Variants in WNT9B observed in about 807,000 individuals in gnomAD.
The protein encoded by WNT9B is Wnt family member 9B, also known as protein Wnt-9b.
In WNT9B, 12 loss-of-function variants were observed where a neutral mutation model predicts 30.2. That is an observed-to-expected ratio of 0.40 (90% CI 0.26 to 0.64). The LOEUF (loss-of-function observed/expected upper bound fraction) is 0.64, where lower values mean the gene tolerates loss of function less well. Ranked by LOEUF, WNT9B falls within the 30% of genes least tolerant of loss-of-function variation. WNT9B has a pLI of 0.42. For synonymous variants in WNT9B, 218 were observed against 216.9 expected (o/e 1.01, Z -0.05); for missense variants, 442 against 485.2 (o/e 0.91, Z 0.84).
rs145828526 is a variant in WNT9B, at chr17:46,864,325, A to C, written c.78-8192A>C. On this transcript the variant is annotated intron_variant, in intron 1 of 3. Transcript: ENST00000290015. Reference sequence around the variant, plus strand: ...TGAACTTCCCACCCACTGCCTCCACATCCCCACACCAAGCTCCCCCAACTC... The same window carrying C: ...TGAACTTCCCACCCACTGCCTCCACCTCCCCACACCAAGCTCCCCCAACTC... Among the ~76,000 whole-genome samples the C allele has an allele frequency of 4.6e-3, 698 of 152,208 alleles. 10 individuals are homozygous for C. The highest frequency in any genetic ancestry group is 0.016 in the African/African-American group (669 of 41,526).
upstream of WNT9B, among the ~76,000 whole-genome samples, chr17:46,848,640 C>T (rs1049850056): frequency 2.6e-5 from 4 of 152,238 alleles, no homozygotes; most frequent in South Asian, 4.1e-4. Context: ...AGGAGGTACA[C>T]GATGCTCTGT....
At chr17:46,838,849 T>C (rs1178264554) in intron 1 of WNT9B, among the ~76,000 whole-genome samples, 1 of 152,076 alleles carries the variant, frequency 6.6e-6, no homozygotes, top group Non-Finnish European at 1.5e-5. Flanking sequence ...TATAAAATGG[T>C]TTCCAGGGGC....
At chr17:46,865,836 T>A (rs1307668664) in intron 1 of WNT9B, among the ~76,000 whole-genome samples, 1 of 152,178 alleles carries the variant, frequency 6.6e-6, no homozygotes. Context: ...GGTTTTGAAC[T>A]CCTAGGCTCA....
chr17:46,852,057 T>C (rs1464611452), intron 1 of WNT9B, among the ~76,000 whole-genome samples: 1 of 152,186 alleles, frequency 6.6e-6, no homozygotes, highest in Admixed American at 6.5e-5. Flanking sequence ...TCAGTCCCGC[T>C]CTCTGATGCC....
chr17:46,850,884 G>C (rs2084832668), upstream of WNT9B, among the ~76,000 whole-genome samples: 1 of 151,958 alleles, frequency 6.6e-6, no homozygotes, highest in Non-Finnish European at 1.5e-5. Flanking sequence ...TTGGATTTCT[G>C]CGCTGGGGAA....
In WNT9B at chr17:46,878,824, C is replaced by T. The variant is rs1335479384; in HGVS notation, c.*2106C>T. Among the ~76,000 whole-genome samples the T allele has an allele frequency of 6.6e-6, 1 of 152,230 alleles. No individual in the cohort carries two copies. Among genetic ancestry groups the T allele is most frequent in the Non-Finnish European group, 1.5e-5 (1 of 68,040 alleles). ...GTCGTGGGAGGGCAAAGGGCAGGCT[C>T]TAAGGCATCTAGGCAGTGGCTGGCT... On this transcript the variant is annotated 3_prime_UTR_variant, in exon 4 of 4. Transcript: ENST00000290015.
intron 1 of WNT9B, among the ~76,000 whole-genome samples, chr17:46,862,772 T>C (rs919885423): frequency 3.9e-5 from 6 of 152,082 alleles, no homozygotes; most frequent in African/African-American, 1.4e-4. Context: ...TTAGTAGAGA[T>C]GGGGTTTTAC....
intron 1 of WNT9B, among the ~76,000 whole-genome samples, chr17:46,836,166 A>G (rs2084630084): frequency 7.0e-6 from 1 of 143,156 alleles, no homozygotes; most frequent in African/African-American, 2.7e-5. Context: ...GGCAATTAAT[A>G]ACACCTCACC....
chr17:46,863,316 T>G (rs1263007990), intron 1 of WNT9B, among the ~76,000 whole-genome samples: 1 of 152,174 alleles, frequency 6.6e-6, no homozygotes. Flanking sequence ...GTTAGACACC[T>G]AAGGGGCATA....
chr17:46,875,490 C>A, intron 3 of WNT9B, 124 bp downstream of exon 3: 1 of 1,316,070 alleles, frequency 7.6e-7, no homozygotes. Flanking sequence ...TTCATAAAGG[C>A]AGGATGAACT....
intron 1 of WNT9B, among the ~76,000 whole-genome samples, chr17:46,853,446 A>T (rs538014498): frequency 1.6e-4 from 22 of 135,842 alleles, no homozygotes; most frequent in African/African-American, 6.2e-4. Context: ...ATCTTGGGTC[A>T]CTGCAACCTC....
chr17:46,885,177 T>G (rs2085474709), downstream of WNT9B: 1 of 340,670 alleles, frequency 2.9e-6, no homozygotes, highest in Non-Finnish European at 5.8e-6. Context: ...TGGCTAATTT[T>G]GTATTTTTAG....
chr17:46,852,124 C>A (rs1280679735), intron 1 of WNT9B, among the ~76,000 whole-genome samples: 1 of 152,240 alleles, frequency 6.6e-6, no homozygotes, highest in Non-Finnish European at 1.5e-5. Flanking sequence ...TCCGGCGAGC[C>A]GTCCTTGCCT....
chr17:46,872,370 T>C (rs1299378809), intron 1 of WNT9B, 147 bp from the exon 2 acceptor site: 6 of 1,284,944 alleles, frequency 4.7e-6, no homozygotes, highest in Non-Finnish European at 6.0e-6. Flanking sequence ...GGTTTCCTAA[T>C]CTGTAAAATG....
chr17:46,881,168 C>T (rs554135773), downstream of WNT9B, among the ~76,000 whole-genome samples: 17 of 152,328 alleles, frequency 1.1e-4, no homozygotes, highest in South Asian at 2.7e-3. Context: ...CTGGCTCAGG[C>T]CTGCCCTGCC....
chr17:46,865,335 T>C (rs1019825971), intron 1 of WNT9B, among the ~76,000 whole-genome samples: 1 of 152,086 alleles, frequency 6.6e-6, no homozygotes, highest in Non-Finnish European at 1.5e-5. Context: ...TCTGCGGCTG[T>C]GAGACAGGAA....
intron 1 of WNT9B, among the ~76,000 whole-genome samples, chr17:46,853,859 G>A (rs2084896067): frequency 6.6e-6 from 1 of 152,158 alleles, no homozygotes; most frequent in Non-Finnish European, 1.5e-5. Context: ...GATGAGAGGA[G>A]AGGGGTTCCA....
chr17:46,863,409 GA>G (rs2085076304), intron 1 of WNT9B, among the ~76,000 whole-genome samples: 1 of 152,218 alleles, frequency 6.6e-6, no homozygotes, highest in Non-Finnish European at 1.5e-5. Flanking sequence ...CTCAGGGTAT[GA>G]AAAACCATGG....
chr17:46,873,255 C>T (rs917793699), intron 2 of WNT9B, among the ~76,000 whole-genome samples: 2 of 152,054 alleles, frequency 1.3e-5, no homozygotes, highest in Non-Finnish European at 2.9e-5. Context: ...TCCATCGATC[C>T]ATCAGTCCCT....
Sources: allele counts gnomAD v4.1 joint callset (sites outside exome capture counted in the v4.1 genomes callset), GRCh38; gene constraint gnomAD v4.1.1; transcripts MANE v1.5; gene names NCBI Gene and HGNC (gene_info 2026-07-23, HGNC 2026-07-21).